PDE4D: variants seen among roughly 807,000 people sequenced by gnomAD.
PDE4D encodes the protein phosphodiesterase 4D.
PDE4D carries 24 observed loss-of-function variants against 87.4 expected under a neutral mutation model. The observed-to-expected ratio is 0.27, with a 90% CI of 0.20 to 0.39. The LOEUF is 0.39. PDE4D is among the 10% of genes least tolerant of loss of function. The probability of loss-of-function intolerance (pLI) is 1.00; values close to 1 mark genes in which losing one functional copy is unlikely to be tolerated. For missense variants in PDE4D, 714 were observed against 1,041.0 expected (o/e 0.69, Z 4.32); for synonymous variants, 384 against 383.2 (o/e 1.00, Z -0.02).
chr5:59,712,476 A>G (rs1048603775), intron 1 of PDE4D, among the ~76,000 whole-genome samples: 7 of 146,316 alleles, frequency 4.8e-5, no homozygotes, highest in African/African-American at 1.7e-4. Context: ...TTAAAACCCC[A>G]CCATTGTTAC....
In PDE4D at chr5:59,125,197, A is replaced by G. The variant is rs188078340; in HGVS notation, c.808+55398T>C. On this transcript the variant is annotated intron_variant, in intron 5 of 14. Transcript: ENST00000340635. ...TTGTTTCCATGGCTCATTAAGCTAG[A>G]GTTAGACTGGTGTCCATAATCAAAT... The G allele has an allele frequency of 2.8e-4, 192 of 679,906 alleles. No homozygotes were observed. The African/African-American group carries it at 3.5e-3, about 12-fold the overall frequency. 42.1% of individuals were successfully genotyped at this position (679,906 alleles called of 1,614,324 possible). A position where few individuals can be genotyped will look rare whatever the true frequency, so the allele number is the denominator to read the frequency against.
At chr5:60,124,569 T>C (rs1450182790) in intron 2 of PDE4D, among the ~76,000 whole-genome samples, 1 of 152,208 alleles carries the variant, frequency 6.6e-6, no homozygotes, top group African/African-American at 2.4e-5. Flanking sequence ...TCTTCAAGTA[T>C]ATCACTCCAG....
intron 1 of PDE4D, among the ~76,000 whole-genome samples, chr5:59,746,269 C>A (rs1270126337): frequency 6.6e-6 from 1 of 152,086 alleles, no homozygotes; most frequent in Non-Finnish European, 1.5e-5. Context: ...CTTCTGTCAT[C>A]TGTCTCATTC....
chr5:59,849,299 CTG>C (rs781045767), intron 1 of PDE4D, among the ~76,000 whole-genome samples: 4 of 151,818 alleles, frequency 2.6e-5, no homozygotes, highest in Non-Finnish European at 4.4e-5. Context: ...GATGTTGAAA[CTG>C]TTTTATTTTA....
At chr5:60,107,065 A>G (rs1336267439) in intron 2 of PDE4D, among the ~76,000 whole-genome samples, 1 of 152,236 alleles carries the variant, frequency 6.6e-6, no homozygotes, top group African/African-American at 2.4e-5. Context: ...TAATGAATCC[A>G]GGAGCTGGTT....
intron 2 of PDE4D, among the ~76,000 whole-genome samples, chr5:60,042,324 C>G (rs1386066433): frequency 6.6e-6 from 1 of 152,206 alleles, no homozygotes; most frequent in Non-Finnish European, 1.5e-5. Flanking sequence ...AAATTCCCAT[C>G]TCCCTGGGAC....
At chr5:59,708,920 T>TTA (rs1485088247) in intron 1 of PDE4D, among the ~76,000 whole-genome samples, 10 of 151,598 alleles carry the variant, frequency 6.6e-5, no homozygotes, top group African/African-American at 2.4e-4. Flanking sequence ...TTTTTTTTTT[T>TTA]AATCGAGGAT....
chr5:59,615,068 G>T (rs188326715), intron 1 of PDE4D, among the ~76,000 whole-genome samples: 1 of 152,100 alleles, frequency 6.6e-6, no homozygotes, highest in Non-Finnish European at 1.5e-5. Context: ...GAGCTCAAGC[G>T]ATCTGCAGGC....
intron 1 of PDE4D, among the ~76,000 whole-genome samples, chr5:59,437,226 G>T (rs1796916753): frequency 6.6e-6 from 1 of 152,160 alleles, no homozygotes; most frequent in Non-Finnish European, 1.5e-5. Context: ...AATGTTAAAT[G>T]GAGTGGCATT....
intron 1 of PDE4D, among the ~76,000 whole-genome samples, chr5:59,352,051 T>G (rs1282612515): frequency 6.6e-6 from 1 of 152,180 alleles, no homozygotes; most frequent in Non-Finnish European, 1.5e-5. Context: ...CTGCCTGGTT[T>G]CCTCATTTGT....
Position 60,008,722 on chromosome 5 carries a change from T to C in PDE4D, c.43-20005A>G, listed in dbSNP as rs1222498274. ...TTTGGGGGAAATAATGTCATATTAT[T>C]GATTTATGCTTCTGTAACTACCACC... is the stretch of plus-strand genomic sequence containing the variant. On this transcript the variant is annotated intron_variant, in intron 2 of 16. Transcript: ENST00000502484. 2.0e-5 allele frequency among the ~76,000 whole-genome samples: 3 copies of C among 152,062 alleles called. No individual in the cohort carries two copies. The East Asian group carries it at 5.8e-4, about 29-fold the overall frequency.
intron 1 of PDE4D, among the ~76,000 whole-genome samples, chr5:60,422,588 A>T (rs534446066): frequency 2.0e-5 from 3 of 152,336 alleles, no homozygotes; most frequent in Non-Finnish European, 2.9e-5. Flanking sequence ...CACTGCAAAA[A>T]CATGCCAAAT....
At chr5:59,542,516 A>G (rs2153684517) in intron 1 of PDE4D, among the ~76,000 whole-genome samples, 1 of 152,368 alleles carries the variant, frequency 6.6e-6, no homozygotes, top group South Asian at 2.1e-4. Context: ...ACAGAATTTC[A>G]TCTTATGAAA....
chr5:60,173,916 G>A (rs1010100953), intron 2 of PDE4D, among the ~76,000 whole-genome samples: 1 of 152,100 alleles, frequency 6.6e-6, no homozygotes, highest in African/African-American at 2.4e-5. Flanking sequence ...TTTAGATGTT[G>A]GGAGGGATGA....
chr5:59,766,072 T>C (rs1396600656), intron 1 of PDE4D, among the ~76,000 whole-genome samples: 2 of 152,252 alleles, frequency 1.3e-5, no homozygotes, highest in Non-Finnish European at 2.9e-5. Context: ...TTTATATTTA[T>C]GTCAGAACAA....
At chr5:60,307,910 G>A (rs768089026) in intron 1 of PDE4D, among the ~76,000 whole-genome samples, 30 of 152,084 alleles carry the variant, frequency 2.0e-4, no homozygotes, top group Non-Finnish European at 3.4e-4. Flanking sequence ...GCATGGTGGT[G>A]GACACCTGTA....
At chr5:60,302,252 C>G (rs1180184063) in intron 1 of PDE4D, among the ~76,000 whole-genome samples, 1 of 152,154 alleles carries the variant, frequency 6.6e-6, no homozygotes, top group African/African-American at 2.4e-5. Context: ...AGTACCAGCT[C>G]TTCTTTGTAC....
In PDE4D at chr5:60,209,292, T is replaced by A. The variant is rs186424322; in HGVS notation, c.-89-23605A>T. On this transcript the variant is annotated intron_variant, in intron 1 of 16. Coordinates refer to the PDE4D transcript ENST00000502484. ...TTTAGGAAATTAATCAGGAAATTCCTAATGATACGTAGCTTCCCGTTTTCC... is the reference window on the plus strand; with the variant it reads ...TTTAGGAAATTAATCAGGAAATTCCAAATGATACGTAGCTTCCCGTTTTCC... Among the ~76,000 whole-genome samples, 54 of 149,786 alleles carry A rather than the reference T, an allele frequency of 3.6e-4. 1 individual carries two copies. The highest frequency in any genetic ancestry group is 3.4e-3 in the Admixed American group (51 of 14,976).
intron 2 of PDE4D, among the ~76,000 whole-genome samples, chr5:60,145,909 A>G (rs548220658): frequency 2.0e-5 from 3 of 152,116 alleles, no homozygotes; most frequent in Admixed American, 2.0e-4. Flanking sequence ...AAATCTTTCA[A>G]CTAGGTTATA....
Sources: gnomAD v4.1 joint callset for allele counts (sites outside exome capture counted in the v4.1 genomes callset) on GRCh38, gnomAD v4.1.1 for gene constraint, MANE v1.5 for transcripts, NCBI Gene and HGNC (gene_info 2026-07-23, HGNC 2026-07-21) for gene names.